Variants in GRM5 observed in about 807,000 individuals in gnomAD.
GRM5 encodes the protein glutamate metabotropic receptor 5, also known as metabotropic glutamate receptor 5.
GRM5 carries 19 observed loss-of-function variants against 83.1 expected under a neutral mutation model. The ratio of observed to expected loss-of-function variants is 0.23; its 90% CI spans 0.16 to 0.34. The LOEUF (loss-of-function observed/expected upper bound fraction) is 0.34. GRM5 is among the 10% of genes least tolerant of loss of function. The pLI, the probability that GRM5 is intolerant of heterozygous loss-of-function variation, is 1.00. For synonymous variants in GRM5, 675 were observed against 633.6 expected (o/e 1.07, Z -0.98); for missense variants, 1,160 against 1,588.3 (o/e 0.73, Z 4.58).
At chr11:88,740,167 C>G (rs1437431515) in intron 3 of GRM5, among the ~76,000 whole-genome samples, 4 of 152,000 alleles carry the variant, frequency 2.6e-5, no homozygotes, top group Admixed American at 2.6e-4. Flanking sequence ...TATCCTATTT[C>G]TCATTACTTC....
chr11:88,980,863 C>T (rs1280475412), intron 2 of GRM5, among the ~76,000 whole-genome samples: 2 of 152,012 alleles, frequency 1.3e-5, no homozygotes. Flanking sequence ...TATAACCTGA[C>T]CTGTAGTAGT....
rs149861251 is a variant in GRM5 at position 89,002,472 on chromosome 11, C to T, written c.661+44740G>A. Among the ~76,000 whole-genome samples the T allele has an allele frequency of 2.7e-3, 411 of 152,234 alleles. 4 individuals are homozygous for T. Among genetic ancestry groups the T allele is most frequent in the African/African-American group, 9.4e-3 (391 of 41,550 alleles). ...ATAACTAGATTTGTTGCCCCTGATT[C>T]CCACATAAAGACAAGCCTCTTTTGT... On this transcript the variant is annotated intron_variant, in intron 2 of 9. Coordinates refer to ENST00000305447, the MANE Select transcript of GRM5 (RefSeq NM_001143831.3).
chr11:88,646,682 A>G (rs1939462852), intron 4 of GRM5, among the ~76,000 whole-genome samples: 1 of 152,000 alleles, frequency 6.6e-6, no homozygotes, highest in African/African-American at 2.4e-5. Context: ...AAAAGGTGAA[A>G]GAAATGGGAA....
intron 2 of GRM5, among the ~76,000 whole-genome samples, chr11:88,936,318 T>C (rs1937893036): frequency 6.6e-6 from 1 of 151,904 alleles, no homozygotes; most frequent in African/African-American, 2.4e-5. Flanking sequence ...ATGGTGAGTA[T>C]TATTATTAGC....
At chr11:88,593,397 G>C (rs1396235271) in intron 6 of GRM5, among the ~76,000 whole-genome samples, 1 of 152,082 alleles carries the variant, frequency 6.6e-6, no homozygotes, top group Non-Finnish European at 1.5e-5. Context: ...ATGATAATAG[G>C]CTGGGTGCAG....
intron 4 of GRM5, among the ~76,000 whole-genome samples, chr11:88,626,119 A>G (rs10831177): frequency 0.69 from 105,040 of 151,632 alleles, 41,635 homozygotes; most frequent in Non-Finnish European, 0.9. Flanking sequence ...AGCCTTTACA[A>G]TTTACACCAA....
intron 9 of GRM5, among the ~76,000 whole-genome samples, chr11:88,522,225 G>A (rs1467733478): frequency 6.6e-6 from 1 of 152,082 alleles, no homozygotes; most frequent in Non-Finnish European, 1.5e-5. Flanking sequence ...ATTGGTTGAC[G>A]CTAAAAGTAC....
intron 1 of GRM5, among the ~76,000 whole-genome samples, chr11:89,056,519 A>C (rs1213358821): frequency 1.3e-5 from 2 of 152,200 alleles, no homozygotes; most frequent in Non-Finnish European, 2.9e-5. Flanking sequence ...ACCTAAAAAT[A>C]ATACTTCTAG....
At position 88,679,924 on chromosome 11, in the gene GRM5, T is replaced by C. The variant is rs549985421; in HGVS notation, c.912-26521A>G. 1.0e-4 allele frequency among the ~76,000 whole-genome samples: 6 copies of C among 57,564 alleles called. No homozygotes were observed. In the South Asian group the frequency reaches 2.7e-3, roughly 26 times the overall value. The allele number at this position is 57,564 out of a possible 152,430, so 37.8% of individuals were successfully genotyped here. The stretch of plus-strand genomic sequence containing the variant: ...TTCCTCATTCTTCATCTTCTTAATC[T>C]GTTTAATAAAAACAAATAGACAAAA... On this transcript the variant is annotated intron_variant, in intron 3 of 9. Transcript: ENST00000305447.
At chr11:88,821,573 C>A (rs1208819814) in intron 3 of GRM5, among the ~76,000 whole-genome samples, 1 of 152,034 alleles carries the variant, frequency 6.6e-6, no homozygotes, top group Non-Finnish European at 1.5e-5. Context: ...TGGACTATTG[C>A]AATGATAGGT....
In GRM5 at chr11:88,811,636, C is replaced by T. The variant is rs182317436; in HGVS notation, c.911+38270G>A. 2.1e-4 allele frequency among the ~76,000 whole-genome samples: 32 copies of T among 152,122 alleles called. No homozygotes were observed. The East Asian group carries it at 4.1e-3, about 19-fold the overall frequency. On this transcript the variant is annotated intron_variant, in intron 3 of 9. Transcript: ENST00000305447. ...AATGAATTCTCAAAATTAGGGAGAACGGTCTCTATAATTTAATACCTATAG... is the reference window on the plus strand; with the variant it reads ...AATGAATTCTCAAAATTAGGGAGAATGGTCTCTATAATTTAATACCTATAG...
intron 3 of GRM5, among the ~76,000 whole-genome samples, chr11:88,718,466 A>G (rs1941448738): frequency 6.6e-6 from 1 of 151,866 alleles, no homozygotes; most frequent in Non-Finnish European, 1.5e-5. Flanking sequence ...ATTCACATTT[A>G]CTCTATGCTT....
intron 8 of GRM5, among the ~76,000 whole-genome samples, chr11:88,541,699 C>T (rs1018709519): frequency 2.0e-5 from 3 of 151,828 alleles, no homozygotes; most frequent in Non-Finnish European, 2.9e-5. Flanking sequence ...TTTCTTTTCG[C>T]ATAATGGAAG....
intron 2 of GRM5, among the ~76,000 whole-genome samples, chr11:88,992,933 T>C (rs1940033522): frequency 6.6e-6 from 1 of 151,664 alleles, no homozygotes; most frequent in Admixed American, 6.6e-5. Flanking sequence ...AGTTAATGGG[T>C]GTAGCACACC....
intron 3 of GRM5, among the ~76,000 whole-genome samples, chr11:88,680,572 C>A (rs890337553): frequency 6.6e-6 from 1 of 152,148 alleles, no homozygotes; most frequent in Non-Finnish European, 1.5e-5. Flanking sequence ...GACAGTGTGG[C>A]GATCCCTCAG....
At chr11:88,882,339 C>G (rs1590935594) in intron 2 of GRM5, among the ~76,000 whole-genome samples, 1 of 150,198 alleles carries the variant, frequency 6.7e-6, no homozygotes, top group East Asian at 2.0e-4. Flanking sequence ...ATCACGAGGT[C>G]AGGAGATCGA....
chr11:88,730,034 T>A (rs978930149), intron 3 of GRM5, among the ~76,000 whole-genome samples: 9 of 151,980 alleles, frequency 5.9e-5, no homozygotes, highest in African/African-American at 1.7e-4. Context: ...ACAAATGGGA[T>A]CTAATTAAAC....
At position 88,741,801 on chromosome 11, in the gene GRM5, T is replaced by C. The variant is rs114195001; in HGVS notation, c.912-88398A>G. Reference sequence around the variant, plus strand: ...GGAAAGCAGTAGTGGCTCAAAGTTCTGGTGGTGTGTGTGGGTGGGAGGGTT... The same window carrying C: ...GGAAAGCAGTAGTGGCTCAAAGTTCCGGTGGTGTGTGTGGGTGGGAGGGTT... On this transcript the variant is annotated intron_variant, in intron 3 of 9. Transcript: ENST00000305447. Among the ~76,000 whole-genome samples, 1,205 of 152,164 alleles carry C rather than the reference T, an allele frequency of 7.9e-3. 12 individuals carry two copies. The highest frequency in any genetic ancestry group is 0.027 in the African/African-American group (1,127 of 41,520).
At chr11:88,669,935 G>T (rs1047431206) in intron 3 of GRM5, among the ~76,000 whole-genome samples, 1 of 151,962 alleles carries the variant, frequency 6.6e-6, no homozygotes, top group Non-Finnish European at 1.5e-5. Flanking sequence ...ATATTTACAA[G>T]TAGGTTCTAA....
Sources: allele counts gnomAD v4.1 joint callset (sites outside exome capture counted in the v4.1 genomes callset), GRCh38; gene constraint gnomAD v4.1.1; transcripts MANE v1.5; gene names NCBI Gene and HGNC (gene_info 2026-07-23, HGNC 2026-07-21).